CNOT6L: variants seen among roughly 807,000 people sequenced by gnomAD.
CNOT6L encodes CCR4-NOT transcription complex subunit 6 like.
Under a neutral mutation model 64.0 loss-of-function variants are expected in CNOT6L, and 7 were observed. The observed-to-expected ratio is 0.11, with a 90% CI of 0.06 to 0.21. The LOEUF (loss-of-function observed/expected upper bound fraction) is 0.21. CNOT6L is among the 10% of genes least tolerant of loss of function. The pLI, the probability that CNOT6L is intolerant of heterozygous loss-of-function variation, is 1.00. For missense variants in CNOT6L, 245 were observed against 669.0 expected (o/e 0.37, Z 6.99); for synonymous variants, 193 against 243.4 (o/e 0.79, Z 1.93).
At chr4:77,743,817 G>A (rs199516813) in intron 7 of CNOT6L, among the ~76,000 whole-genome samples, 5 of 151,848 alleles carry the variant, frequency 3.3e-5, no homozygotes, top group East Asian at 1.9e-4. Flanking sequence ...GGCCAGGCTG[G>A]TCTCAAACTC....
intron 7 of CNOT6L, among the ~76,000 whole-genome samples, chr4:77,743,524 A>T (rs996709873): frequency 1.7e-4 from 25 of 151,082 alleles, no homozygotes; most frequent in African/African-American, 4.6e-4. Flanking sequence ...ACATAAAAAA[A>T]TTTTTAATAA....
At chr4:77,725,419 A>G (rs971391853) in intron 11 of CNOT6L, among the ~76,000 whole-genome samples, 1 of 152,208 alleles carries the variant, frequency 6.6e-6, no homozygotes, top group Non-Finnish European at 1.5e-5. Context: ...CAGAAAGTCA[A>G]AGAGAGGTAT....
intron 4 of CNOT6L, among the ~76,000 whole-genome samples, chr4:77,760,888 T>TTTTTTTTA: frequency 9.7e-6 from 1 of 103,558 alleles, no homozygotes; most frequent in Non-Finnish European, 2.1e-5. Flanking sequence ...TTTTTTTTTT[T>TTTTTTTTA]TTTTTTTAAG....
intron 5 of CNOT6L, among the ~76,000 whole-genome samples, chr4:77,754,956 TG>T (rs1725349361): frequency 7.4e-6 from 1 of 135,754 alleles, no homozygotes. Flanking sequence ...TTCATGATCT[TG>T]TGGTATCAAA....
intron 5 of CNOT6L, among the ~76,000 whole-genome samples, chr4:77,754,768 T>G (rs929865598): frequency 6.6e-6 from 1 of 151,448 alleles, no homozygotes; most frequent in Non-Finnish European, 1.5e-5. Flanking sequence ...TGACACCTGA[T>G]TTATGACAAA....
At chr4:77,745,043 A>C (rs1259430252) in intron 6 of CNOT6L, among the ~76,000 whole-genome samples, 168 bp from the exon 7 acceptor site, 1 of 152,252 alleles carries the variant, frequency 6.6e-6, no homozygotes, top group Non-Finnish European at 1.5e-5. Flanking sequence ...ACATCATTGG[A>C]GTCTATCATA....
intron 5 of CNOT6L, among the ~76,000 whole-genome samples, chr4:77,753,978 C>T (rs1354506108): frequency 6.7e-6 from 1 of 148,170 alleles, no homozygotes; most frequent in African/African-American, 2.5e-5. Flanking sequence ...TTTATCTATA[C>T]AAAAACTACA....
intron 5 of CNOT6L, among the ~76,000 whole-genome samples, chr4:77,752,621 C>T (rs558442077): frequency 6.6e-6 from 1 of 152,132 alleles, no homozygotes; most frequent in East Asian, 1.9e-4. Flanking sequence ...AAATGACTCA[C>T]AGGCCAAGGA....
intron 1 of CNOT6L, among the ~76,000 whole-genome samples, chr4:77,804,994 AT>A (rs1732057009): frequency 6.6e-6 from 1 of 151,884 alleles, no homozygotes; most frequent in African/African-American, 2.4e-5. Context: ...ACTCGTGGAG[AT>A]TTTTTTTAAC....
At chr4:77,760,214 C>CA (rs1225768059) in intron 4 of CNOT6L, among the ~76,000 whole-genome samples, 3 of 151,576 alleles carry the variant, frequency 2.0e-5, no homozygotes, top group East Asian at 1.9e-4. Flanking sequence ...TCTCTACAAA[C>CA]AAAAAAAATT....
intron 9 of CNOT6L, among the ~76,000 whole-genome samples, chr4:77,731,154 C>T (rs1722402249): frequency 6.6e-6 from 1 of 152,052 alleles, no homozygotes. Flanking sequence ...TTAAAAAAGA[C>T]TTTACATAGA....
chr4:77,725,805 C>T (rs566724375), intron 11 of CNOT6L, among the ~76,000 whole-genome samples: 15 of 149,300 alleles, frequency 1.0e-4, no homozygotes, highest in African/African-American at 1.7e-4. Context: ...CTGTGGGGGG[C>T]GGGAGGTTAG....
chr4:77,760,727 T>C (rs1026573243), intron 4 of CNOT6L, among the ~76,000 whole-genome samples: 51 of 148,562 alleles, frequency 3.4e-4, no homozygotes, highest in Admixed American at 9.4e-4. Context: ...GAAAGGAAAT[T>C]TTTTTTTTTT....
At chr4:77,804,077 A>G (rs1001755884) in intron 1 of CNOT6L, among the ~76,000 whole-genome samples, 6 of 152,132 alleles carry the variant, frequency 3.9e-5, no homozygotes, top group African/African-American at 1.4e-4. Flanking sequence ...AACCATATAC[A>G]TGAATTATTT....
intron 8 of CNOT6L, 27 bp downstream of exon 8, chr4:77,742,114 C>T: frequency 1.3e-6 from 2 of 1,596,828 alleles, no homozygotes; most frequent in South Asian, 2.2e-5. Flanking sequence ...TAAAAGTACA[C>T]CATTGTGCTT....
At chr4:77,769,767 A>C (rs1041010089) in intron 4 of CNOT6L, among the ~76,000 whole-genome samples, 1 of 152,182 alleles carries the variant, frequency 6.6e-6, no homozygotes, top group East Asian at 1.9e-4. Context: ...AAAGTAAAAG[A>C]AAGTCTTCCA....
chr4:77,819,027 G>C (rs1733946081), intron 1 of CNOT6L: 2 of 626,660 alleles, frequency 3.2e-6, no homozygotes, highest in African/African-American at 2.3e-5. Context: ...CCACTCTGGG[G>C]TCCCGGCCCC....
chr4:77,746,151 C>A (rs1178656358), intron 6 of CNOT6L, among the ~76,000 whole-genome samples: 3 of 152,184 alleles, frequency 2.0e-5, no homozygotes, highest in African/African-American at 7.2e-5. Context: ...TTGCTTCATT[C>A]AGTTTTTTCC....
chr4:77,786,149 C>T (rs1445369727), intron 1 of CNOT6L, among the ~76,000 whole-genome samples: 1 of 151,848 alleles, frequency 6.6e-6, no homozygotes, highest in Non-Finnish European at 1.5e-5. Context: ...GGCATGGTGG[C>T]GGACACCTGT....
Sources: gnomAD v4.1 joint callset for allele counts (sites outside exome capture counted in the v4.1 genomes callset) on GRCh38, gnomAD v4.1.1 for gene constraint, MANE v1.5 for transcripts, NCBI Gene and HGNC (gene_info 2026-07-23, HGNC 2026-07-21) for gene names.